Variants in GBP5 observed in about 807,000 individuals in gnomAD.
GBP5 encodes guanylate binding protein 5.
In GBP5, 48 loss-of-function variants were observed where a neutral mutation model predicts 58.2. The observed-to-expected ratio is 0.83, with a 90% CI of 0.65 to 1.05. The LOEUF is 1.05. Among genes scored for constraint, GBP5 ranks in the 50% least tolerant of loss-of-function variants. GBP5 has a pLI of 0.00. For missense variants in GBP5, 714 were observed against 686.8 expected (o/e 1.04, Z -0.44); for synonymous variants, 248 against 251.8 (o/e 0.98, Z 0.14).
At chr1:89,268,906 G>A in intron 3 of GBP5, 50 bp from the exon 4 acceptor site, 2 of 1,591,694 alleles carry the variant, frequency 1.3e-6, no homozygotes, top group South Asian at 1.1e-5. Flanking sequence ...CTGGAAATTG[G>A]GGATTTGCTT....
At position 89,257,687 on chromosome 1, in the gene GBP5, A is replaced by G. The variant is rs1019233957; in HGVS notation, c.*3017T>C. On this transcript the variant is annotated 3_prime_UTR_variant, in exon 12 of 12. Transcript: ENST00000370459. ...CAACAGGTGAATTACTACAGTGACC[A>G]TAATAAAGTGATCCATAATAAATTC... Among the ~76,000 whole-genome samples, 3 of 152,240 alleles carry G rather than the reference A, an allele frequency of 2.0e-5. No individual in the cohort carries two copies. Among genetic ancestry groups the G allele is most frequent in the Non-Finnish European group, 4.4e-5 (3 of 68,038 alleles).
In GBP5 at chr1:89,265,054, T is replaced by C. The variant is rs1244887250; in HGVS notation, c.869-88A>G. ...ATTTCTGAGAACGTACATTTAATAGTTGCATTGCCTGAAATTGTTTAGCAT... is the reference window on the plus strand; with the variant it reads ...ATTTCTGAGAACGTACATTTAATAGCTGCATTGCCTGAAATTGTTTAGCAT... On this transcript the variant is annotated intron_variant, in intron 7 of 11. Transcript: ENST00000370459. The C allele has an allele frequency of 8.7e-6, 11 of 1,258,926 alleles. No homozygotes were observed. The African/African-American group carries it at 9.0e-5, about 10-fold the overall frequency. The allele number at this position is 1,258,926 out of a possible 1,614,324, so 78.0% of individuals were successfully genotyped here.
chr1:89,269,659 G>A (rs537772514), intron 2 of GBP5, 85 bp from the exon 3 acceptor site: 2 of 844,736 alleles, frequency 2.4e-6, no homozygotes, highest in Middle Eastern at 2.9e-4. Flanking sequence ...TGAACCTGGG[G>A]ACATACTACT....
At chr1:89,265,555 C>T (rs1446123720) in intron 7 of GBP5, among the ~76,000 whole-genome samples, 2 of 151,182 alleles carry the variant, frequency 1.3e-5, no homozygotes, top group East Asian at 3.9e-4. Context: ...GGTGAAACCC[C>T]ACCTCTACTA....
intron 10 of GBP5, 101 bp downstream of exon 10, chr1:89,262,582 G>A (rs537073100): frequency 5.4e-6 from 5 of 921,974 alleles, no homozygotes; most frequent in South Asian, 3.0e-5. Context: ...AAGCATCTTT[G>A]CCATTCTTGC....
In GBP5 at chr1:89,260,770, G is replaced by A. The variant is rs766380344; in HGVS notation, c.1695C>T (p.Ser565=). The A allele has an allele frequency of 2.5e-6, 4 of 1,613,954 alleles. No homozygotes were observed. The African/African-American group carries it at 4.0e-5, about 16-fold the overall frequency. Residue 565 remains serine, a synonymous_variant, in exon 12 of 12, where the codon AGC becomes AGT. Coordinates refer to ENST00000370459, the MANE Select transcript of GBP5 (RefSeq NM_052942.5). ...LSTTFQAQNR[S]LLSELQHAQR... The stretch of plus-strand genomic sequence containing the variant: ...GGGCGTGCTGGAGCTCACTGAGAAG[G>A]CTTCTATTTTGAGCTTGGAATGTTG...
At chr1:89,262,877 T>C in intron 9 of GBP5, 92 bp from the exon 10 acceptor site, 1 of 781,428 alleles carries the variant, frequency 1.3e-6, no homozygotes, top group Non-Finnish European at 2.0e-6. Flanking sequence ...GCAGCATCTA[T>C]TCCTCATAGG....
At chr1:89,264,244 C>T (rs994561941) in intron 8 of GBP5, among the ~76,000 whole-genome samples, 1 of 152,120 alleles carries the variant, frequency 6.6e-6, no homozygotes, top group Non-Finnish European at 1.5e-5. Context: ...TTACAACATT[C>T]CTTCCAGTAT....
intron 11 of GBP5, chr1:89,261,933 G>A: frequency 2.6e-6 from 1 of 386,286 alleles, no homozygotes; most frequent in Non-Finnish European, 4.6e-6. Context: ...TCTGTATCGG[G>A]CACCATTTAA....
At chr1:89,267,299 T>C in intron 5 of GBP5, 118 bp downstream of exon 5, 1 of 964,978 alleles carries the variant, frequency 1.0e-6, no homozygotes. Flanking sequence ...CCTTTCTTTG[T>C]ACTTTCAATG....
At position 89,266,604 on chromosome 1, in the gene GBP5, T is replaced by C. The variant is rs768959736; in HGVS notation, c.626-16A>G. Reference sequence around the variant, plus strand: ...TGATCACTACCTGGAGAATAAAAAATAGGATTTATTTAGCATAGACTTTGC... The same window carrying C: ...TGATCACTACCTGGAGAATAAAAAACAGGATTTATTTAGCATAGACTTTGC... On this transcript the variant is annotated splice_polypyrimidine_tract_variant and intron_variant, in intron 6 of 11. Transcript: ENST00000370459. 1.2e-6 allele frequency: 2 copies of C among 1,600,332 alleles called. No homozygotes were observed. The highest frequency in any genetic ancestry group is 1.7e-6 in the Non-Finnish European group (2 of 1,171,588).
At chr1:89,268,985 G>T (rs1650335380) in intron 3 of GBP5, 129 bp from the exon 4 acceptor site, 2 of 884,284 alleles carry the variant, frequency 2.3e-6, no homozygotes, top group Non-Finnish European at 3.5e-6. Context: ...GTATTGATTT[G>T]AATGATGATG....
At position 89,258,468 on chromosome 1, in the gene GBP5, G is replaced by A. The variant is rs564450615; in HGVS notation, c.*2236C>T. Among the ~76,000 whole-genome samples, 2 of 152,156 alleles carry A rather than the reference G, an allele frequency of 1.3e-5. No individual in the cohort carries two copies. Among genetic ancestry groups the A allele is most frequent in the Non-Finnish European group, 2.9e-5 (2 of 67,990 alleles). ...CACAGCTTGAAAAGGTAATTGTAGG[G>A]TATTGCTAGACAAATGCTCAGTTGA... On this transcript the variant is annotated 3_prime_UTR_variant, in exon 12 of 12. Coordinates refer to ENST00000370459, the MANE Select transcript of GBP5 (RefSeq NM_052942.5).
Position 89,260,719 on chromosome 1 carries a change from T to A in GBP5, c.1746A>T (p.Pro582=), listed in dbSNP as rs1649975095. The stretch of plus-strand genomic sequence containing the variant: ...ATTTAGCACTTTAGAGTAAAACACA[T>A]GGATCATCGTTATTAACAGTCCTCT... ...HAQRTVNNDD[P]CVLL The change falls in exon 12 of 12, where the codon CCA becomes CCT. Residue 582 remains proline, a synonymous_variant. Coordinates refer to ENST00000370459, the MANE Select transcript of GBP5 (RefSeq NM_052942.5). 1 of 1,611,802 alleles carries A rather than the reference T, an allele frequency of 6.2e-7. No homozygotes were observed. The highest frequency in any genetic ancestry group is 2.2e-5 in the East Asian group (1 of 44,866).
At chr1:89,262,845 C>G (rs1203081705) in intron 9 of GBP5, 60 bp from the exon 10 acceptor site, 6 of 1,016,288 alleles carry the variant, frequency 5.9e-6, no homozygotes, top group Non-Finnish European at 5.9e-6. Flanking sequence ...ATGTTGTAAA[C>G]ATCTTTGTCT....
At chr1:89,264,559 G>A (rs2100720110) in intron 8 of GBP5, 127 bp downstream of exon 8, 1 of 794,086 alleles carries the variant, frequency 1.3e-6, no homozygotes, top group South Asian at 1.8e-5. Flanking sequence ...TAAAAGTGGT[G>A]TCATGGCTAT....
intron 5 of GBP5, 100 bp downstream of exon 5, chr1:89,267,317 C>G (rs1396657072): frequency 2.0e-6 from 2 of 1,019,694 alleles, no homozygotes. Context: ...ATGTTTATCA[C>G]GTTTCCATTT....
At chr1:89,269,156 GA>G (rs754501878) in intron 3 of GBP5, among the ~76,000 whole-genome samples, 4 of 150,874 alleles carry the variant, frequency 2.7e-5, no homozygotes, top group Non-Finnish European at 5.9e-5. Context: ...TTTACAAGAA[GA>G]AATCAAGGCA....
At chr1:89,265,793 G>C (rs898808584) in intron 7 of GBP5, among the ~76,000 whole-genome samples, 2 of 146,722 alleles carry the variant, frequency 1.4e-5, no homozygotes, top group South Asian at 4.3e-4. Context: ...CTTAATGTTT[G>C]TTTGAACTTT....
Sources: allele counts gnomAD v4.1 joint callset (sites outside exome capture counted in the v4.1 genomes callset), GRCh38; gene constraint gnomAD v4.1.1; transcripts MANE v1.5; gene names NCBI Gene and HGNC (gene_info 2026-07-23, HGNC 2026-07-21).